The following ROBO2 variants were observed in gnomAD, a reference collection of about 807,000 sequenced individuals.
ROBO2 encodes the protein roundabout homolog 2.
In ROBO2, 53 loss-of-function variants were observed where a neutral mutation model predicts 160.8. The observed-to-expected ratio is 0.33, with a 90% CI of 0.26 to 0.41. ROBO2 has a LOEUF of 0.41. Among genes scored for constraint, ROBO2 ranks in the 10% least tolerant of loss-of-function variants. ROBO2 has a pLI of 1.00. For missense variants in ROBO2, 1,577 were observed against 1,722.4 expected (o/e 0.92, Z 1.49); for synonymous variants, 664 against 611.7 (o/e 1.09, Z -1.26).
At chr3:76,437,380 T>C (rs997968586) in intron 2 of ROBO2, among the ~76,000 whole-genome samples, 1 of 152,136 alleles carries the variant, frequency 6.6e-6, no homozygotes, top group Non-Finnish European at 1.5e-5. Context: ...ACTTTTCAAG[T>C]AGTACTAAGC....
At chr3:76,818,739 T>G (rs2109093363) in intron 2 of ROBO2, among the ~76,000 whole-genome samples, 2 of 152,232 alleles carry the variant, frequency 1.3e-5, no homozygotes, top group South Asian at 4.1e-4. Flanking sequence ...TATGTCTTTG[T>G]TTGCTTTGTG....
intron 2 of ROBO2, among the ~76,000 whole-genome samples, chr3:76,893,541 A>G (rs1290151293): frequency 6.6e-6 from 1 of 151,818 alleles, no homozygotes; most frequent in Admixed American, 6.6e-5. Flanking sequence ...TTTTTTATTG[A>G]TGTATAACAT....
At position 76,360,709 on chromosome 3, in the gene ROBO2, G is replaced by A. The variant is rs1012958697; in HGVS notation, c.109+423107G>A. ...GTCATATGATCTAGTTCTGGTCAAC[G>A]GGATATCGTTAGATGTCATTCGGTG... On this transcript the variant is annotated intron_variant, in intron 2 of 26. Transcript: ENST00000487694. 2.6e-5 allele frequency among the ~76,000 whole-genome samples: 4 copies of A among 152,066 alleles called. No individual in the cohort carries two copies. The South Asian group carries it at 6.2e-4, about 24-fold the overall frequency.
At chr3:77,433,763 T>C (rs939417707) in intron 2 of ROBO2, among the ~76,000 whole-genome samples, 4 of 151,902 alleles carry the variant, frequency 2.6e-5, no homozygotes, top group African/African-American at 7.3e-5. Context: ...GGTCTTTCTA[T>C]CTGACTCTTC....
chr3:76,082,948 A>C (rs964088241), intron 2 of ROBO2, among the ~76,000 whole-genome samples: 1 of 152,100 alleles, frequency 6.6e-6, no homozygotes, highest in Non-Finnish European at 1.5e-5. Flanking sequence ...CTGCAGACTT[A>C]AGAAGCTTTT....
chr3:76,301,737 A>G (rs1709368955), intron 2 of ROBO2, among the ~76,000 whole-genome samples: 2 of 152,108 alleles, frequency 1.3e-5, no homozygotes, highest in South Asian at 4.1e-4. Context: ...TCAAATGAAC[A>G]CAAACCCAGA....
At chr3:76,131,192 G>T (rs188578437) in intron 2 of ROBO2, among the ~76,000 whole-genome samples, 1 of 152,206 alleles carries the variant, frequency 6.6e-6, no homozygotes, top group Admixed American at 6.5e-5. Flanking sequence ...AATTATAACT[G>T]CTTGAAATTG....
At chr3:77,164,691 G>A (rs545541276) in intron 2 of ROBO2, among the ~76,000 whole-genome samples, 1 of 101,924 alleles carries the variant, frequency 9.8e-6, no homozygotes, top group South Asian at 3.4e-4. Context: ...CTGGCCAGCC[G>A]TGCTGTCCGG....
chr3:77,086,708 G>GGACA (rs1322933397), intron 1 of ROBO2, among the ~76,000 whole-genome samples: 1 of 152,088 alleles, frequency 6.6e-6, no homozygotes, highest in East Asian at 1.9e-4. Flanking sequence ...ATCAGTCATT[G>GGACA]TGTGCATCCC....
chr3:77,208,447 TAC>T (rs2083696850), intron 2 of ROBO2, among the ~76,000 whole-genome samples: 1 of 152,144 alleles, frequency 6.6e-6, no homozygotes, highest in Non-Finnish European at 1.5e-5. Flanking sequence ...TAGATACAGT[TAC>T]ACAAGCCGGC....
intron 6 of ROBO2, among the ~76,000 whole-genome samples, chr3:77,539,644 G>A (rs559655534): frequency 3.6e-4 from 54 of 151,926 alleles, no homozygotes; most frequent in Non-Finnish European, 6.8e-4. Flanking sequence ...ACTATTCCGA[G>A]GCATTCATTT....
chr3:77,013,336 T>C (rs2062030408), intron 2 of ROBO2, among the ~76,000 whole-genome samples: 1 of 152,076 alleles, frequency 6.6e-6, no homozygotes, highest in African/African-American at 2.4e-5. Flanking sequence ...ATTTTCCCAT[T>C]GAGTTGGGTT....
intron 2 of ROBO2, among the ~76,000 whole-genome samples, chr3:77,245,063 G>A (rs138792246): frequency 6.6e-6 from 1 of 151,878 alleles, no homozygotes; most frequent in East Asian, 1.9e-4. Flanking sequence ...ATGGCTAAAA[G>A]TAAAATGAAC....
At chr3:76,951,296 T>A (rs1229453209) in intron 2 of ROBO2, among the ~76,000 whole-genome samples, 1 of 152,244 alleles carries the variant, frequency 6.6e-6, no homozygotes, top group African/African-American at 2.4e-5. Context: ...TACTCTCTTT[T>A]CTGTGTGTGA....
At chr3:76,341,419 TAAAAAAAAAA>T (rs71277587) in intron 2 of ROBO2, among the ~76,000 whole-genome samples, 139 of 44,254 alleles carry the variant, frequency 3.1e-3, no homozygotes, top group African/African-American at 0.011. Flanking sequence ...TTTTAAAGCG[TAAAAAAAAAA>T]AAAAAAAAAA....
chr3:77,464,179 A>C (rs2082527989), intron 2 of ROBO2, among the ~76,000 whole-genome samples: 1 of 152,212 alleles, frequency 6.6e-6, no homozygotes, highest in Non-Finnish European at 1.5e-5. Context: ...ATAATTTAAT[A>C]ATAAAAGTAG....
intron 2 of ROBO2, among the ~76,000 whole-genome samples, chr3:77,260,398 A>G (rs527520455): frequency 4.0e-4 from 61 of 152,278 alleles, no homozygotes; most frequent in Admixed American, 9.2e-4. Context: ...TCCTAGGGAA[A>G]CTTAAAAAAA....
chr3:76,750,869 C>A (rs2093973735), intron 2 of ROBO2, among the ~76,000 whole-genome samples: 2 of 152,012 alleles, frequency 1.3e-5, no homozygotes. Flanking sequence ...GGCCATACTG[C>A]CAAAGGTAAT....
chr3:77,340,602 A>G lies in ROBO2; in HGVS notation c.389-136812A>G, dbSNP rs2066959814. 2.0e-5 allele frequency among the ~76,000 whole-genome samples: 3 copies of G among 152,132 alleles called. No homozygotes were observed. In the South Asian group the frequency reaches 6.2e-4, roughly 31 times the overall value. ...ATTCAGATCTTTTTCATTAGTTGGCACAGGAAACAGACTAACAAGAAGACC... is the reference window on the plus strand; with the variant it reads ...ATTCAGATCTTTTTCATTAGTTGGCGCAGGAAACAGACTAACAAGAAGACC... On this transcript the variant is annotated intron_variant, in intron 2 of 25. Coordinates refer to ENST00000461745, the Ensembl canonical transcript of ROBO2.
Sources: gnomAD v4.1 joint callset for allele counts (sites outside exome capture counted in the v4.1 genomes callset) on GRCh38, gnomAD v4.1.1 for gene constraint, MANE v1.5 for transcripts, NCBI Gene and HGNC (gene_info 2026-07-23, HGNC 2026-07-21) for gene names.